SH3TC2: variants seen among roughly 807,000 people sequenced by gnomAD.
The protein encoded by SH3TC2 is SH3 domain and tetratricopeptide repeats 2.
Under a neutral mutation model 124.5 loss-of-function variants are expected in SH3TC2, and 87 were observed. The observed-to-expected ratio is 0.70, with a 90% confidence interval of 0.59 to 0.84. The LOEUF (loss-of-function observed/expected upper bound fraction) is 0.84, where lower values mean the gene tolerates loss of function less well. Ranked by LOEUF, SH3TC2 falls within the 40% of genes least tolerant of loss-of-function variation. The pLI is 0.00. For missense variants in SH3TC2, 1,536 were observed against 1,566.4 expected (o/e 0.98, Z 0.33); for synonymous variants, 634 against 628.5 (o/e 1.01, Z -0.13).
At position 149,027,547 on chromosome 5, in the gene SH3TC2, A is replaced by G; in HGVS notation, c.2185T>C (p.Trp729Arg). 1 of 1,614,220 alleles carries G rather than the reference A, an allele frequency of 6.2e-7. No individual in the cohort carries two copies. The highest frequency in any genetic ancestry group is 1.1e-5 in the South Asian group (1 of 91,088). Residue 729 changes from tryptophan (W) to arginine (R), a missense_variant, in exon 11 of 17, where the codon TGG becomes CGG. Around this residue, in one of 3 missense-constraint regions of SH3TC2, gnomAD observed 1,102 missense variants for 1,098.6 expected, o/e 1.00. Coordinates refer to ENST00000515425, the MANE Select transcript of SH3TC2 (RefSeq NM_024577.4). The part of the protein sequence containing the change: ...TKLLGFPSPG[W>R]GEVSALACPM... ...CAGGCCAAGGCAGAAACTTCACCCC[A>G]GCCTGGGGAAGGAAAGCCAAGGAGC...
At chr5:149,037,880 G>A (rs1754308432) in intron 8 of SH3TC2, among the ~76,000 whole-genome samples, 1 of 152,100 alleles carries the variant, frequency 6.6e-6, no homozygotes, top group Non-Finnish European at 1.5e-5. Flanking sequence ...AGCTGAATGA[G>A]TGAAGATCTA....
chr5:149,010,191 A>T, intron 14 of SH3TC2, 79 bp downstream of exon 14: 1 of 1,592,616 alleles, frequency 6.3e-7, no homozygotes, highest in Non-Finnish European at 8.6e-7. Context: ...GAGAAGAGGG[A>T]CTCAGGCCGA....
At chr5:149,053,862 A>G (rs1754598472) in intron 1 of SH3TC2, among the ~76,000 whole-genome samples, 1 of 152,218 alleles carries the variant, frequency 6.6e-6, no homozygotes, top group African/African-American at 2.4e-5. Flanking sequence ...TCATGAAGAT[A>G]AAGAGTAGAA....
chr5:149,030,819 G>A (rs1038430400), intron 9 of SH3TC2, among the ~76,000 whole-genome samples: 1 of 152,204 alleles, frequency 6.6e-6, no homozygotes, highest in Admixed American at 6.5e-5. Flanking sequence ...ATGAAGAGAT[G>A]GGAGAAACAA....
At position 148,987,157 on chromosome 5, in the gene SH3TC2, TAA is replaced by T. The variant is rs1561749234; in HGVS notation, c.*17552_*17553del. Among the ~76,000 whole-genome samples the T allele has an allele frequency of 6.6e-6, 1 of 152,252 alleles. No individual in the cohort carries two copies. The highest frequency in any genetic ancestry group is 1.5e-5 in the Non-Finnish European group (1 of 68,044). On this transcript the variant is annotated 3_prime_UTR_variant, in exon 17 of 17. Transcript: ENST00000515425. Reference sequence around the variant, plus strand: ...TGTGTAAATCAAATGCTTCTAAATTTAATTTGATTTAAATTATTTTAACCACT... The same window carrying T: ...TGTGTAAATCAAATGCTTCTAAATTTTTTGATTTAAATTATTTTAACCACT...
Position 148,994,882 on chromosome 5 carries a change from C to A in SH3TC2, c.*9829G>T, listed in dbSNP as rs1406617476. On this transcript the variant is annotated 3_prime_UTR_variant, in exon 17 of 17. Coordinates refer to ENST00000515425, the MANE Select transcript of SH3TC2 (RefSeq NM_024577.4). The stretch of plus-strand genomic sequence containing the variant: ...AAACAGACTGACAGATACTCAAGGG[C>A]AAGGATGAGGTTTTTATCCACATCC... 6.6e-6 allele frequency among the ~76,000 whole-genome samples: 1 copy of A among 152,130 alleles called. No homozygotes were observed. Among genetic ancestry groups the A allele is most frequent in the African/African-American group, 2.4e-5 (1 of 41,432 alleles).
At chr5:149,029,235 G>A (rs1315210772) in intron 9 of SH3TC2, among the ~76,000 whole-genome samples, 2 of 152,170 alleles carry the variant, frequency 1.3e-5, no homozygotes, top group East Asian at 3.8e-4. Context: ...GCAGACATTG[G>A]TTCCATGTGT....
intron 13 of SH3TC2, among the ~76,000 whole-genome samples, chr5:149,010,918 G>T (rs1457638476): frequency 6.6e-6 from 1 of 152,170 alleles, no homozygotes; most frequent in Admixed American, 6.5e-5. Flanking sequence ...GAGATAGTGT[G>T]GCTCAAAAGA....
Position 149,004,731 on chromosome 5 carries a change from C to T in SH3TC2, c.3847G>A (p.Gly1283Ser). 2 of 1,613,528 alleles carry T rather than the reference C, an allele frequency of 1.2e-6. No individual in the cohort carries two copies. The highest frequency in any genetic ancestry group is 2.2e-5 in the South Asian group (2 of 91,026). Residue 1283 changes from glycine (G) to serine (S), a missense_variant, in exon 17 of 17, where the codon GGT becomes AGT. Coordinates refer to ENST00000515425, the MANE Select transcript of SH3TC2 (RefSeq NM_024577.4). ...TTTCCTCAGAGGGCCAGGCCACCACCACTCAGCCACCGCGCCCTCTCTGAG... is the reference window on the plus strand; with the variant it reads ...TTTCCTCAGAGGGCCAGGCCACCACTACTCAGCCACCGCGCCCTCTCTGAG... ...CSSERARWLSGGGLAL is the reference protein window; with the variant it reads ...CSSERARWLSSGGLAL
Position 149,000,877 on chromosome 5 carries a change from C to T in SH3TC2, c.*3834G>A, listed in dbSNP as rs982632638. ...TATAAAAATATATTATTTCATCTCT[C>T]CAATACTATTTCTCATCCTATTCAT... On this transcript the variant is annotated 3_prime_UTR_variant, in exon 17 of 17. Coordinates refer to ENST00000515425, the MANE Select transcript of SH3TC2 (RefSeq NM_024577.4). Among the ~76,000 whole-genome samples the T allele has an allele frequency of 6.6e-6, 1 of 152,168 alleles. No individual in the cohort carries two copies. The highest frequency in any genetic ancestry group is 6.5e-5 in the Admixed American group (1 of 15,280).
At chr5:149,057,310 T>C (rs928333802) in intron 1 of SH3TC2, among the ~76,000 whole-genome samples, 24 of 152,228 alleles carry the variant, frequency 1.6e-4, no homozygotes, top group African/African-American at 4.3e-4. Flanking sequence ...CCTGCTTTCA[T>C]TGGGAACATT....
rs1031165928 is a variant in SH3TC2, at chr5:148,982,783, G to A, written c.*21928C>T. Among the ~76,000 whole-genome samples, 2 of 152,162 alleles carry A rather than the reference G, an allele frequency of 1.3e-5. No individual in the cohort carries two copies. Among genetic ancestry groups the A allele is most frequent in the African/African-American group, 4.8e-5 (2 of 41,432 alleles). On this transcript the variant is annotated 3_prime_UTR_variant, in exon 17 of 17. Coordinates refer to ENST00000515425, the MANE Select transcript of SH3TC2 (RefSeq NM_024577.4). ...GCCTATGGTAGGGAAATGGGGGCAT[G>A]CTATTCCTTGTTTAATTTTTCATTT...
intron 12 of SH3TC2, among the ~76,000 whole-genome samples, chr5:149,020,804 T>C (rs946102581): frequency 6.6e-6 from 1 of 151,952 alleles, no homozygotes; most frequent in African/African-American, 2.4e-5. Flanking sequence ...CCAAAATACA[T>C]GTAGAAAAAG....
chr5:149,040,750 G>A, intron 6 of SH3TC2, 73 bp from the exon 7 acceptor site: 1 of 1,206,306 alleles, frequency 8.3e-7, no homozygotes, highest in Non-Finnish European at 1.2e-6. Flanking sequence ...CAGTCTATCA[G>A]AATAATGATG....
rs1432794 is a variant in SH3TC2 at position 149,028,145 on chromosome 5, A to T, written c.1587T>A (p.Arg529=). 2.5e-6 allele frequency: 4 copies of T among 1,614,122 alleles called. No individual in the cohort carries two copies. Among genetic ancestry groups the T allele is most frequent in the Non-Finnish European group, 3.4e-6 (4 of 1,180,044 alleles). The change falls in exon 11 of 17, where the codon CGT becomes CGA. Residue 529 remains arginine (R), a synonymous_variant. Coordinates refer to ENST00000515425, the MANE Select transcript of SH3TC2 (RefSeq NM_024577.4). ...KKSHMTWAHA[R]LCFLLGRLSI... is the part of the protein sequence containing the mutation. ...TCAGCCGGCCCAGGAGGAAGCAGAG[A>T]CGGGCATGGGCCCAGGTCATGTGGC...
chr5:149,047,546 C>T (rs960181314), intron 3 of SH3TC2: 1 of 332,020 alleles, frequency 3.0e-6, no homozygotes, highest in Non-Finnish European at 5.8e-6. Flanking sequence ...AAAAAGTATA[C>T]TTAATGAGGT....
At position 149,027,206 on chromosome 5, in the gene SH3TC2, C is replaced by T; in HGVS notation, c.2526G>A (p.Leu842=). The T allele has an allele frequency of 1.2e-6, 2 of 1,614,218 alleles. No individual in the cohort carries two copies. Among genetic ancestry groups the T allele is most frequent in the Non-Finnish European group, 1.7e-6 (2 of 1,180,050 alleles). The change falls in exon 11 of 17, where the codon CTG becomes CTA. Residue 842 remains leucine (L), a synonymous_variant. Transcript: ENST00000515425. ...GGCCTTCACCTTGGAGTGCAAGTCC[C>T]AGGAGGTTATAGATGACTCCCCTTT... ...LTQRGVIYNL[L]GLALQGEGRV... is the part of the protein sequence containing the mutation.
intron 6 of SH3TC2, 118 bp downstream of exon 6, chr5:149,041,298 C>G: frequency 9.5e-7 from 1 of 1,054,178 alleles, no homozygotes; most frequent in South Asian, 1.4e-5. Flanking sequence ...AAGACCCACC[C>G]AGAATCTGTT....
intron 6 of SH3TC2, among the ~76,000 whole-genome samples, chr5:149,041,007 T>C (rs1016364869): frequency 6.6e-6 from 1 of 152,102 alleles, no homozygotes; most frequent in Non-Finnish European, 1.5e-5. Flanking sequence ...TATATTTAAG[T>C]TTAATCATAT....
Sources: allele counts gnomAD v4.1 joint callset (sites outside exome capture counted in the v4.1 genomes callset), GRCh38; gene constraint gnomAD v4.1.1; regional missense constraint gnomAD v4.1.1; transcripts MANE v1.5; gene names NCBI Gene and HGNC (gene_info 2026-07-23, HGNC 2026-07-21).